The following DDX24 variants were observed in gnomAD, a reference collection of about 807,000 sequenced individuals.
DDX24 encodes DEAD-box helicase 24.
Under a neutral mutation model 68.9 loss-of-function variants are expected in DDX24, and 24 were observed. The observed-to-expected ratio is 0.35, with a 90% confidence interval of 0.25 to 0.49. The LOEUF is 0.49. Among genes scored for constraint, DDX24 ranks in the 20% least tolerant of loss-of-function variants. The pLI is 0.99. For synonymous variants in DDX24, 395 were observed against 385.2 expected (o/e 1.03, Z -0.30); for missense variants, 989 against 1,039.0 (o/e 0.95, Z 0.66).
At chr14:94,056,898 G>C (rs1885501941) in intron 6 of DDX24, 1 of 152,130 alleles carries the variant, frequency 6.6e-6, no homozygotes, top group Admixed American at 6.5e-5. Context: ...TGTGAAGTGA[G>C]AGAATGGGAA....
At chr14:94,069,284 T>C (rs1462889833) in intron 2 of DDX24, among the ~76,000 whole-genome samples, 2 of 152,000 alleles carry the variant, frequency 1.3e-5, no homozygotes, top group Non-Finnish European at 2.9e-5. Flanking sequence ...GATAAATTCC[T>C]GGAAAAAAAA....
rs1020541692 is a variant in DDX24, at chr14:94,050,044, T to G, written c.*1147A>C. 1 of 152,206 alleles carries G rather than the reference T, an allele frequency of 6.6e-6. No individual in the cohort carries two copies. Among genetic ancestry groups the G allele is most frequent in the African/African-American group, 2.4e-5 (1 of 41,440 alleles). The allele number at this position is 152,206 out of a possible 1,614,324, so 9.4% of individuals were successfully genotyped here. A position where few individuals can be genotyped will look rare whatever the true frequency, so the allele number is the denominator to read the frequency against. On this transcript the variant is annotated 3_prime_UTR_variant, in exon 9 of 9. Transcript: ENST00000621632. ...TCCTCTTCAATTCCCTAGCACCCCT[T>G]GAACTAAACAGCTGTATTGTATTGT...
chr14:94,051,084 A>AC lies in DDX24; in HGVS notation c.*106dup. On this transcript the variant is annotated 3_prime_UTR_variant, in exon 9 of 9. Coordinates refer to ENST00000621632, the MANE Select transcript of DDX24 (RefSeq NM_020414.4). Reference sequence around the variant, plus strand: ...ATGGGTGTGAGTGGAAGAGAGGGAGACTTTTTTACCTGGGGTTGGTGGTGG... The same window carrying AC: ...ATGGGTGTGAGTGGAAGAGAGGGAGACCTTTTTTACCTGGGGTTGGTGGTGG... The AC allele has an allele frequency of 2.9e-6, 4 of 1,372,374 alleles. No individual in the cohort carries two copies. Among genetic ancestry groups the AC allele is most frequent in the Non-Finnish European group, 3.9e-6 (4 of 1,025,960 alleles). 85.0% of individuals were successfully genotyped at this position (1,372,374 alleles called of 1,614,324 possible). A position where few individuals can be genotyped will look rare whatever the true frequency, so the allele number is the denominator to read the frequency against.
At position 94,048,364 on chromosome 14, in the gene DDX24, CAGAA is replaced by C. The variant is rs1158585619; in HGVS notation, c.*2823_*2826del. The C allele has an allele frequency of 6.6e-6, 1 of 152,216 alleles. No individual in the cohort carries two copies. The highest frequency in any genetic ancestry group is 2.4e-5 in the African/African-American group (1 of 41,464). 9.4% of individuals were successfully genotyped at this position (152,216 alleles called of 1,614,324 possible). On this transcript the variant is annotated 3_prime_UTR_variant, in exon 9 of 9. Transcript: ENST00000621632. Reference sequence around the variant, plus strand: ...TTAAATCAATGGGAACAATTAGCAACAGAAAGAGCACAGTCCCTGCTTTTGACTG... The same window carrying C: ...TTAAATCAATGGGAACAATTAGCAACAGAGCACAGTCCCTGCTTTTGACTG...
intron 2 of DDX24, among the ~76,000 whole-genome samples, chr14:94,077,770 C>T (rs547589067): frequency 6.6e-6 from 1 of 152,068 alleles, no homozygotes; most frequent in East Asian, 1.9e-4. Flanking sequence ...GACCACTGTT[C>T]CAGAAACCCA....
Position 94,060,474 on chromosome 14 carries a change from C to A in DDX24, c.1537G>T (p.Val513Leu). The change falls in exon 5 of 9, where the codon GTG becomes TTG. Residue 513 changes from valine (V) to leucine (L), a missense_variant. This residue lies in a region of DDX24 where 691 missense variants were observed against 760.0 expected (regional missense o/e 0.91). Coordinates refer to ENST00000621632, the MANE Select transcript of DDX24 (RefSeq NM_020414.4). ...AGGATTCGAGCAGGAGCCTGATGCA[C>A]CAGGGTGAGTGTGGCAGAAAAAACA... ...TLVFSATLTL[V>L]HQAPARILHK... The A allele has an allele frequency of 6.2e-7, 1 of 1,614,110 alleles. No homozygotes were observed. Among genetic ancestry groups the A allele is most frequent in the Non-Finnish European group, 8.5e-7 (1 of 1,180,024 alleles).
At chr14:94,062,911 G>A (rs1262329420) in intron 2 of DDX24, among the ~76,000 whole-genome samples, 2 of 152,234 alleles carry the variant, frequency 1.3e-5, no homozygotes, top group Non-Finnish European at 2.9e-5. Flanking sequence ...AGTTTTGGGT[G>A]TATGTGTTGT....
intron 2 of DDX24, among the ~76,000 whole-genome samples, chr14:94,064,300 T>C (rs562213815): frequency 7.9e-5 from 12 of 152,244 alleles, no homozygotes; most frequent in Non-Finnish European, 1.5e-4. Flanking sequence ...GGGGCATCTT[T>C]TGTTGAAATA....
chr14:94,064,433 C>T (rs1885658082), intron 2 of DDX24, among the ~76,000 whole-genome samples: 1 of 152,224 alleles, frequency 6.6e-6, no homozygotes, highest in Admixed American at 6.5e-5. Context: ...TAGACAGCTT[C>T]AGGATGGGGG....
In DDX24 at chr14:94,051,289, A is replaced by T; in HGVS notation, c.2482T>A (p.Ser828Thr). ...TGCTTGGAGAGACAGCTCAAAGCAGACTCGCTCTTACTTGGGGCAGACACA... is the reference window on the plus strand; with the variant it reads ...TGCTTGGAGAGACAGCTCAAAGCAGTCTCGCTCTTACTTGGGGCAGACACA... ...LLVSAPSKSE[S>T]ALSCLSKQKK... Residue 828 changes from serine (S) to threonine (T), a missense_variant, in exon 9 of 9, where the codon TCT (serine) becomes ACT (threonine). Ser to Thr is a moderately conservative substitution (Grantham distance 58). Coordinates refer to ENST00000621632, the MANE Select transcript of DDX24 (RefSeq NM_020414.4). 1 of 1,611,920 alleles carries T rather than the reference A, an allele frequency of 6.2e-7. No individual in the cohort carries two copies. The highest frequency in any genetic ancestry group is 8.5e-7 in the Non-Finnish European group (1 of 1,179,512).
intron 2 of DDX24, 112 bp downstream of exon 2, chr14:94,078,913 T>C (rs776355607): frequency 2.0e-5 from 24 of 1,185,878 alleles, no homozygotes; most frequent in Non-Finnish European, 2.9e-5. Context: ...TTATTCAGCG[T>C]TGCTTTTGTG....
chr14:94,074,051 A>G (rs902823359), intron 2 of DDX24, among the ~76,000 whole-genome samples: 1 of 151,896 alleles, frequency 6.6e-6, no homozygotes, highest in Non-Finnish European at 1.5e-5. Flanking sequence ...TCAAAAAAAA[A>G]AAAAAAGAAA....
rs1203775726 is a variant in DDX24, at chr14:94,049,175, G to A, written c.*2016C>T. On this transcript the variant is annotated 3_prime_UTR_variant, in exon 9 of 9. Transcript: ENST00000621632. ...GTATTAGCTCCTCCACCAAGGAAAA[G>A]AATTTGCTGTTAGATGGCTAGGGCA... 6.6e-6 allele frequency: 1 copy of A among 152,276 alleles called. No homozygotes were observed. Among genetic ancestry groups the A allele is most frequent in the Non-Finnish European group, 1.5e-5 (1 of 68,058 alleles). The allele number at this position is 152,276 out of a possible 1,614,324, so 9.4% of individuals were successfully genotyped here. A position where few individuals can be genotyped will look rare whatever the true frequency, so the allele number is the denominator to read the frequency against.
intron 8 of DDX24, chr14:94,051,700 A>C: frequency 2.3e-6 from 1 of 427,916 alleles, no homozygotes; most frequent in Non-Finnish European, 4.0e-6. Flanking sequence ...ATCCTCCAAG[A>C]CTGGAATTAT....
rs1268016043 is a variant in DDX24 at position 94,048,390 on chromosome 14, AC to A, written c.*2800del. On this transcript the variant is annotated 3_prime_UTR_variant, in exon 9 of 9. Coordinates refer to ENST00000621632, the MANE Select transcript of DDX24 (RefSeq NM_020414.4). ...AGAAAGAGCACAGTCCCTGCTTTTG[AC>A]TGGGTTCCTATTTTAAGCACAAATG... The A allele has an allele frequency of 6.6e-6, 1 of 152,214 alleles. No individual in the cohort carries two copies. The highest frequency in any genetic ancestry group is 1.5e-5 in the Non-Finnish European group (1 of 68,040). The allele number at this position is 152,214 out of a possible 1,614,324, so 9.4% of individuals were successfully genotyped here. A position where few individuals can be genotyped will look rare whatever the true frequency, so the allele number is the denominator to read the frequency against.
rs544627377 is a variant in DDX24, at chr14:94,050,100, C to T, written c.*1091G>A. 1 of 152,364 alleles carries T rather than the reference C, an allele frequency of 6.6e-6. No homozygotes were observed. Among genetic ancestry groups the T allele is most frequent in the African/African-American group, 2.4e-5 (1 of 41,566 alleles). 9.4% of individuals were successfully genotyped at this position (152,364 alleles called of 1,614,324 possible). A position where few individuals can be genotyped will look rare whatever the true frequency, so the allele number is the denominator to read the frequency against. ...GACGAATACCTGTTTGGAAGCCAGA[C>T]AGCTGTGCAGAAATCATCTATGCTT... On this transcript the variant is annotated 3_prime_UTR_variant, in exon 9 of 9. Transcript: ENST00000621632.
chr14:94,062,169 G>C lies in DDX24; in HGVS notation c.1171C>G (p.Leu391Val). ...AGCTCTCGAGTGGGAGTCAGAACCA[G>C]TCCAAGCAGAGGACGCTTTGGATAT... ...KAYPKRPLLG[L>V]VLTPTRELAV... The change falls in exon 3 of 9, where the codon CTG (leucine) becomes GTG (valine). Residue 391 changes from leucine to valine, a missense_variant. Coordinates refer to ENST00000621632, the MANE Select transcript of DDX24 (RefSeq NM_020414.4). 6.2e-7 allele frequency: 1 copy of C among 1,614,120 alleles called. No individual in the cohort carries two copies. The highest frequency in any genetic ancestry group is 8.5e-7 in the Non-Finnish European group (1 of 1,180,024).
Position 94,079,715 on chromosome 14 carries a change from G to A in DDX24, c.28C>T (p.Pro10Ser), listed in dbSNP as rs777674310. The A allele has an allele frequency of 1.9e-6, 3 of 1,613,900 alleles. No individual in the cohort carries two copies. Among genetic ancestry groups the A allele is most frequent in the African/African-American group, 1.3e-5 (1 of 74,992 alleles). MKLKDTKSR[P>S]KQSSCGKFQT... ...AATTTGCCACAGCTTGACTGCTTTG[G>A]CCTTGATTTTGTGTCCTTCAACTTC... Residue 10 changes from proline (P) to serine (S), a missense_variant, in exon 2 of 9, where the codon CCA becomes TCA. Physicochemically the swap from Pro to Ser is moderately conservative, Grantham distance 74. Coordinates refer to ENST00000621632, the MANE Select transcript of DDX24 (RefSeq NM_020414.4).
chr14:94,056,606 TTC>T (rs3064004), intron 6 of DDX24: 46,572 of 152,004 alleles, frequency 0.31, 7,316 homozygotes, highest in Admixed American at 0.38. Flanking sequence ...GTAAATGTGT[TTC>T]TTTTAGTTCT....
Sources: gnomAD v4.1 joint callset for allele counts (sites outside exome capture counted in the v4.1 genomes callset) on GRCh38, gnomAD v4.1.1 for gene constraint, gnomAD v4.1.1 regional missense constraint, MANE v1.5 for transcripts, NCBI Gene and HGNC (gene_info 2026-07-23, HGNC 2026-07-21) for gene names.